The following TEF variants were observed in gnomAD, a reference collection of about 807,000 sequenced individuals.
TEF encodes TEF transcription factor, PAR bZIP family member, also known as thyrotroph embryonic factor.
TEF carries 3 observed loss-of-function variants against 20.8 expected under a neutral mutation model. That is an observed-to-expected ratio of 0.14 (90% CI 0.07 to 0.37). The LOEUF (loss-of-function observed/expected upper bound fraction) is 0.37, where lower values mean the gene tolerates loss of function less well. Ranked by LOEUF, TEF falls within the 10% of genes least tolerant of loss-of-function variation. TEF has a pLI of 1.00. For missense variants in TEF, 296 were observed against 397.9 expected, an observed-to-expected ratio of 0.74 and a Z score of 2.18; for synonymous variants, 180 against 171.1, an observed-to-expected ratio of 1.05 and a Z score of -0.41.
intron 1 of TEF, chr22:41,382,955 C>G (rs771653050): frequency 6.4e-6 from 3 of 471,056 alleles, no homozygotes; most frequent in South Asian, 3.1e-5. Context: ...TTTGCCTAGG[C>G]CAGGAACGTC....
chr22:41,392,259 A>G (rs1450444544), intron 2 of TEF, among the ~76,000 whole-genome samples: 1 of 152,216 alleles, frequency 6.6e-6, no homozygotes, highest in Non-Finnish European at 1.5e-5. Flanking sequence ...AGGGAAGAAC[A>G]AGGAATCAGC....
intron 2 of TEF, among the ~76,000 whole-genome samples, chr22:41,391,625 C>CTT (rs74679714): frequency 9.3e-5 from 12 of 129,410 alleles, no homozygotes; most frequent in East Asian, 6.8e-4. Context: ...CGGCATCTGA[C>CTT]TTTTTTTTTT....
upstream of TEF, among the ~76,000 whole-genome samples, chr22:41,381,759 T>C (rs576308003): frequency 6.6e-6 from 1 of 151,522 alleles, no homozygotes; most frequent in Admixed American, 6.6e-5. Flanking sequence ...CACGTGTCTA[T>C]CTTATCCCGG....
chr22:41,371,357 G>A (rs998272702), intron 1 of TEF, among the ~76,000 whole-genome samples: 1 of 152,182 alleles, frequency 6.6e-6, no homozygotes, highest in Non-Finnish European at 1.5e-5. Flanking sequence ...TGGGCAGGCG[G>A]CATCCCCACG....
intron 1 of TEF, among the ~76,000 whole-genome samples, chr22:41,382,737 A>G (rs1167922584): frequency 6.7e-6 from 1 of 149,032 alleles, no homozygotes; most frequent in East Asian, 2.1e-4. Flanking sequence ...GCCAGCTACT[A>G]GGTCCAACGG....
intron 1 of TEF, among the ~76,000 whole-genome samples, chr22:41,375,289 T>C (rs1159443253): frequency 6.6e-6 from 1 of 152,130 alleles, no homozygotes; most frequent in African/African-American, 2.4e-5. Flanking sequence ...TGGAACACAC[T>C]GAGACCAAGG....
At chr22:41,379,358 T>A (rs536552480), upstream of TEF, among the ~76,000 whole-genome samples, 14 of 145,662 alleles carry the variant, frequency 9.6e-5, no homozygotes, top group East Asian at 8.0e-4. Context: ...AAAAAAAAAA[T>A]TAGCCGTACG....
Position 41,394,236 on chromosome 22 carries a change from C to T in TEF, c.616C>T (p.His206Tyr). 4 of 1,614,156 alleles carry T rather than the reference C, an allele frequency of 2.5e-6. No individual in the cohort carries two copies. Among genetic ancestry groups the T allele is most frequent in the Non-Finnish European group, 3.4e-6 (4 of 1,180,034 alleles). ...CGGGGAGCTCTTCAACCCTCGGAAG[C>T]ACAAGTTTGCTGAGGAGGACCTGAA... ...PGGELFNPRK[H>Y]KFAEEDLKPQ... Residue 206 changes from histidine (H) to tyrosine (Y), a missense_variant, in exon 3 of 4, where the codon CAC becomes TAC. His to Tyr is a moderately conservative substitution (Grantham distance 83, BLOSUM62 2). This residue lies in a region of TEF where 194 missense variants were observed against 317.8 expected (regional missense o/e 0.61). Coordinates refer to ENST00000266304, the MANE Select transcript of TEF (RefSeq NM_003216.4).
rs572569540 is a variant in TEF, at chr22:41,398,094, G to A, written c.*2134G>A. 6.6e-6 allele frequency: 1 copy of A among 152,332 alleles called. No homozygotes were observed. The highest frequency in any genetic ancestry group is 2.1e-4 in the South Asian group (1 of 4,822). 9.4% of individuals were successfully genotyped at this position (152,332 alleles called of 1,614,324 possible). A position where few individuals can be genotyped will look rare whatever the true frequency, so the allele number is the denominator to read the frequency against. Reference sequence around the variant, plus strand: ...TTCCCAAAGTGCTTACTTGGAAAGAGTGTGGCTGCTGGACTCTTTTCGAAA... The same window carrying A: ...TTCCCAAAGTGCTTACTTGGAAAGAATGTGGCTGCTGGACTCTTTTCGAAA... On this transcript the variant is annotated 3_prime_UTR_variant, in exon 4 of 4. Coordinates refer to ENST00000266304, the MANE Select transcript of TEF (RefSeq NM_003216.4).
In TEF at chr22:41,397,025, A is replaced by T. The variant is rs984886011; in HGVS notation, c.*1065A>T. The T allele has an allele frequency of 5.0e-6, 2 of 398,242 alleles. No homozygotes were observed. The highest frequency in any genetic ancestry group is 8.8e-6 in the Non-Finnish European group (2 of 226,254). The allele number at this position is 398,242 out of a possible 1,614,324, so 24.7% of individuals were successfully genotyped here. A position where few individuals can be genotyped will look rare whatever the true frequency, so the allele number is the denominator to read the frequency against. On this transcript the variant is annotated 3_prime_UTR_variant, in exon 4 of 4. Coordinates refer to ENST00000266304, the MANE Select transcript of TEF (RefSeq NM_003216.4). ...ACCGGTGTGGCCTGGGCTGGAGTGC[A>T]CTCTCCCTGGGGGCAGCTGGGGCCT... is the stretch of plus-strand genomic sequence containing the variant.
upstream of TEF, among the ~76,000 whole-genome samples, chr22:41,379,406 C>T (rs1297025353): frequency 1.3e-5 from 2 of 152,102 alleles, no homozygotes; most frequent in African/African-American, 4.8e-5. Flanking sequence ...ACTCAGGAGG[C>T]TGAGGCAGGA....
At chr22:41,380,148 ATTTT>A (rs2036997762), upstream of TEF, among the ~76,000 whole-genome samples, 5 of 151,722 alleles carry the variant, frequency 3.3e-5, no homozygotes, top group Admixed American at 3.3e-4. Flanking sequence ...CCGCAAAATT[ATTTT>A]TATTTATTTA....
intron 1 of TEF, among the ~76,000 whole-genome samples, chr22:41,371,661 C>A (rs1192532310): frequency 6.6e-6 from 1 of 152,212 alleles, no homozygotes; most frequent in Non-Finnish European, 1.5e-5. Flanking sequence ...TGGCGTCGTG[C>A]GTCTTCCACC....
rs2037112617 is a variant in TEF at position 41,387,520 on chromosome 22, C to G, written c.327C>G (p.Gly109=). The G allele has an allele frequency of 8.7e-6, 14 of 1,614,174 alleles. No individual in the cohort carries two copies. The highest frequency in any genetic ancestry group is 1.1e-5 in the Non-Finnish European group (13 of 1,180,028). The change falls in exon 2 of 4, where the codon GGC becomes GGG. Residue 109 remains glycine, a synonymous_variant. Coordinates refer to ENST00000266304, the MANE Select transcript of TEF (RefSeq NM_003216.4). ...TGGATGAGTTCCTGCTGGAGAATGG[C>G]ATCCCCGCCAGCCCCACCCACCTGG... is the stretch of plus-strand genomic sequence containing the variant. ...MDLDEFLLEN[G]IPASPTHLAH...
Position 41,382,010 on chromosome 22 carries a change from G to C in TEF, c.-35G>C. ...CCGGCCCATCTCGGGGGGCGGGCGG[G>C]GGAGGCGAGGTGCGCGAGCCGAGTC... On this transcript the variant is annotated 5_prime_UTR_variant, in exon 1 of 4. Transcript: ENST00000266304. 8.1e-7 allele frequency: 1 copy of C among 1,229,990 alleles called. No individual in the cohort carries two copies. The highest frequency in any genetic ancestry group is 1.0e-6 in the Non-Finnish European group (1 of 986,824). The allele number at this position is 1,229,990 out of a possible 1,614,324, so 76.2% of individuals were successfully genotyped here.
chr22:41,387,429 T>G lies in TEF; in HGVS notation c.236T>G (p.Met79Arg). 6.2e-7 allele frequency: 1 copy of G among 1,614,224 alleles called. No homozygotes were observed. The highest frequency in any genetic ancestry group is 8.5e-7 in the Non-Finnish European group (1 of 1,180,034). Residue 79 changes from methionine to arginine, a missense_variant, in exon 2 of 4, where the codon ATG becomes AGG. Met to Arg is a moderately conservative substitution (Grantham distance 91, BLOSUM62 -1). This residue lies in a region of TEF where 194 missense variants were observed against 317.8 expected (regional missense o/e 0.61). Coordinates refer to ENST00000266304, the MANE Select transcript of TEF (RefSeq NM_003216.4). ...ACCATGGCTGTCTCAGCCTCCCTCA[T>G]GCCACCCATCTGGGACAAGACCATC... ...ASTMAVSASLMPPIWDKTIPY... is the reference protein window; with the variant it reads ...ASTMAVSASLRPPIWDKTIPY...
rs71327132 is a variant in TEF at position 41,397,223 on chromosome 22, G to T, written c.*1263G>T. 32 of 397,950 alleles carry T rather than the reference G, an allele frequency of 8.0e-5. No homozygotes were observed. The highest frequency in any genetic ancestry group is 1.1e-4 in the Non-Finnish European group (25 of 225,946). The allele number at this position is 397,950 out of a possible 1,614,324, so 24.7% of individuals were successfully genotyped here. ...TCAGTCTTGGTCCCAGGAGATGGGG[G>T]CCACTCGTGAGGCTGGCCATGCTGT... On this transcript the variant is annotated 3_prime_UTR_variant, in exon 4 of 4. Coordinates refer to ENST00000266304, the MANE Select transcript of TEF (RefSeq NM_003216.4).
At chr22:41,374,990 G>A (rs2036923340) in intron 1 of TEF, among the ~76,000 whole-genome samples, 1 of 152,142 alleles carries the variant, frequency 6.6e-6, no homozygotes, top group South Asian at 2.1e-4. Context: ...CGACTAAAGT[G>A]GAAGCAGGAG....
At chr22:41,370,025 A>G (rs1401069443) in intron 1 of TEF, 1 of 985,292 alleles carries the variant, frequency 1.0e-6, no homozygotes, top group Non-Finnish European at 1.2e-6. Flanking sequence ...TGTACAGGAA[A>G]GTCTGCGGAG....
Sources: gnomAD v4.1 joint callset for allele counts (sites outside exome capture counted in the v4.1 genomes callset) on GRCh38, gnomAD v4.1.1 for gene constraint, gnomAD v4.1.1 regional missense constraint, MANE v1.5 for transcripts, NCBI Gene and HGNC (gene_info 2026-07-23, HGNC 2026-07-21) for gene names.